The following RTTN variants were observed in gnomAD, a reference collection of about 807,000 sequenced individuals.
RTTN encodes rotatin.
In RTTN, 182 loss-of-function variants were observed where a neutral mutation model predicts 269.2. The observed-to-expected ratio is 0.68, with a 90% CI of 0.60 to 0.76. RTTN has a LOEUF of 0.76. RTTN is among the 30% of genes least tolerant of loss of function. The pLI is 0.00. For missense variants in RTTN, 2,545 were observed against 2,608.6 expected (o/e 0.98, Z 0.53); for synonymous variants, 1,006 against 963.5 (o/e 1.04, Z -0.82).
intron 40 of RTTN, among the ~76,000 whole-genome samples, chr18:70,044,129 G>T (rs2057423407): frequency 6.6e-6 from 1 of 152,038 alleles, no homozygotes. Context: ...TTTCCAAAAG[G>T]TACTTAATGT....
chr18:70,191,782 C>T (rs1029799552), intron 8 of RTTN, among the ~76,000 whole-genome samples: 1 of 152,182 alleles, frequency 6.6e-6, no homozygotes, highest in Non-Finnish European at 1.5e-5. Flanking sequence ...TTTGTCGTTT[C>T]TTCAATTTCA....
chr18:70,184,703 G>GTTTTTT lies in RTTN; in HGVS notation c.1305+3399_1305+3404dup, dbSNP rs374636456. ...TCAATTCCATTCAAAACCACAGCAG[G>GTTTTTT]TTTTTTTTTTTTTTGTGTGTGTGTG... is the stretch of plus-strand genomic sequence containing the variant. On this transcript the variant is annotated intron_variant, in intron 10 of 48. Coordinates refer to ENST00000640769, the MANE Select transcript of RTTN (RefSeq NM_173630.4). 4.3e-3 allele frequency among the ~76,000 whole-genome samples: 114 copies of GTTTTTT among 26,344 alleles called. 26 individuals carry two copies. The East Asian group carries it at 0.045, about 10-fold the overall frequency. 17.3% of individuals were successfully genotyped at this position (26,344 alleles called of 152,430 possible).
At position 70,205,619 on chromosome 18, in the gene RTTN, G is replaced by T. The variant is rs2062060822; in HGVS notation, c.31+9C>A. On this transcript the variant is annotated intron_variant, in intron 1 of 48. Coordinates refer to ENST00000640769, the MANE Select transcript of RTTN (RefSeq NM_173630.4). ...GGGTGCCTTGGGCGAGGGGCAAGCT[G>T]ACAGTTACCGAGTTTCCTGATGAGC... 1 of 1,614,014 alleles carries T rather than the reference G, an allele frequency of 6.2e-7. No individual in the cohort carries two copies. The highest frequency in any genetic ancestry group is 1.3e-5 in the African/African-American group (1 of 74,924).
At chr18:70,159,135 A>T (rs976214012) in intron 14 of RTTN, among the ~76,000 whole-genome samples, 1 of 152,158 alleles carries the variant, frequency 6.6e-6, no homozygotes, top group Non-Finnish European at 1.5e-5. Flanking sequence ...AGCAAAACAC[A>T]TTCTTCTCAT....
Position 70,128,522 on chromosome 18 carries a change from A to G in RTTN, c.2979T>C (p.Ile993=). Residue 993 remains isoleucine, a synonymous_variant, in exon 24 of 49, where the codon ATT becomes ATC. Coordinates refer to ENST00000640769, the MANE Select transcript of RTTN (RefSeq NM_173630.4). Reference sequence around the variant, plus strand: ...AGTAAGGACTCACAGCATGGTGTCCAATTACATGAACAGGTAGATGGTACC... The same window carrying G: ...AGTAAGGACTCACAGCATGGTGTCCGATTACATGAACAGGTAGATGGTACC... The part of the protein sequence containing the change: ...FRRYHLPVHV[I]GHHAVSPYSI... 1 of 1,612,782 alleles carries G rather than the reference A, an allele frequency of 6.2e-7. No individual in the cohort carries two copies. The highest frequency in any genetic ancestry group is 8.5e-7 in the Non-Finnish European group (1 of 1,179,212).
rs148269375 is a variant in RTTN, at chr18:70,167,120, A to G, written c.1690-89T>C. The G allele has an allele frequency of 2.9e-4, 235 of 810,216 alleles. 2 individuals are homozygous for G. The African/African-American group carries it at 3.7e-3, about 13-fold the overall frequency. 50.2% of individuals were successfully genotyped at this position (810,216 alleles called of 1,614,324 possible). ...TAACTAAGCAGCTTCAAGAAATTAG[A>G]CCATTCAGAGACCATGAGACTGTTT... is the stretch of plus-strand genomic sequence containing the variant. On this transcript the variant is annotated intron_variant, in intron 12 of 48. Transcript: ENST00000640769.
At chr18:70,106,835 T>C (rs2059333752) in intron 28 of RTTN, among the ~76,000 whole-genome samples, 1 of 152,030 alleles carries the variant, frequency 6.6e-6, no homozygotes, top group South Asian at 2.1e-4. Flanking sequence ...TATCAGAAAA[T>C]TCCATGTCTA....
intron 25 of RTTN, among the ~76,000 whole-genome samples, chr18:70,126,315 G>A (rs1231943597): frequency 6.6e-6 from 1 of 151,962 alleles, no homozygotes; most frequent in East Asian, 1.9e-4. Flanking sequence ...TGACAAATAG[G>A]GACATATTAC....
chr18:70,088,172 T>C (rs758132902), intron 30 of RTTN, 25 bp from the exon 31 acceptor site: 5 of 1,583,216 alleles, frequency 3.2e-6, no homozygotes, highest in Middle Eastern at 1.7e-4. Context: ...GAGAAAGTTG[T>C]TGAATCAAAT....
chr18:70,088,708 T>C (rs374208211), intron 30 of RTTN, among the ~76,000 whole-genome samples: 13 of 152,204 alleles, frequency 8.5e-5, no homozygotes, highest in Non-Finnish European at 1.8e-4. Context: ...TTGGTAAATT[T>C]CTGAATTCGA....
At chr18:70,016,036 C>T (rs924046714) in intron 46 of RTTN, among the ~76,000 whole-genome samples, 1 of 152,096 alleles carries the variant, frequency 6.6e-6, no homozygotes, top group Non-Finnish European at 1.5e-5. Context: ...ATGTACATCA[C>T]GCAGCAACAG....
chr18:70,147,985 C>T (rs1009961733), intron 17 of RTTN, among the ~76,000 whole-genome samples: 2 of 152,158 alleles, frequency 1.3e-5, no homozygotes, highest in Non-Finnish European at 2.9e-5. Flanking sequence ...CTTCCTGGAT[C>T]ACCCATAACA....
chr18:70,075,649 A>G (rs2058410075), intron 32 of RTTN, 108 bp from the exon 33 acceptor site: 1 of 781,494 alleles, frequency 1.3e-6, no homozygotes, highest in Non-Finnish European at 1.9e-6. Context: ...AGATGCTCCC[A>G]TCTCCTTCCA....
chr18:70,103,417 A>T (rs1431807752), intron 28 of RTTN, among the ~76,000 whole-genome samples: 1 of 152,158 alleles, frequency 6.6e-6, no homozygotes, highest in Admixed American at 6.5e-5. Context: ...TACTAAGAAA[A>T]ATTTTTCTGC....
At chr18:70,030,363 T>C (rs1233490064) in intron 41 of RTTN, among the ~76,000 whole-genome samples, 1 of 152,236 alleles carries the variant, frequency 6.6e-6, no homozygotes, top group Non-Finnish European at 1.5e-5. Flanking sequence ...ACATCATTTG[T>C]TGTAGTCGCA....
At chr18:70,032,726 C>T (rs1050778770) in intron 40 of RTTN, among the ~76,000 whole-genome samples, 1 of 152,230 alleles carries the variant, frequency 6.6e-6, no homozygotes, top group Non-Finnish European at 1.5e-5. Context: ...CATAGGGTAA[C>T]GTGGGAGACT....
At chr18:70,145,541 G>A in intron 18 of RTTN, 71 bp downstream of exon 18, 1 of 1,189,294 alleles carries the variant, frequency 8.4e-7, no homozygotes, top group Non-Finnish European at 1.2e-6. Flanking sequence ...ACTGAAGAAT[G>A]TCACATAAAA....
Position 70,204,173 on chromosome 18 carries a change from C to T in RTTN, c.310G>A (p.Glu104Lys). The T allele has an allele frequency of 6.2e-7, 1 of 1,614,112 alleles. No individual in the cohort carries two copies. The highest frequency in any genetic ancestry group is 8.5e-7 in the Non-Finnish European group (1 of 1,179,976). ...RSNVEPNLQA[E>K]IDGILDGLFL... ...AGTCCATCCAGAATGCCATCAATTT[C>T]AGCCTGCAGATTTGGCTCCACATTA... The change falls in exon 3 of 49, where the codon GAA (glutamate) becomes AAA (lysine). Residue 104 changes from glutamate (E) to lysine (K), a missense_variant. Transcript: ENST00000640769.
At chr18:70,131,857 T>A (rs1457705617) in intron 23 of RTTN, 1 of 151,764 alleles carries the variant, frequency 6.6e-6, no homozygotes, top group Non-Finnish European at 1.5e-5. Context: ...ATATTAGTAA[T>A]TATAGTAAAT....
Sources: allele counts gnomAD v4.1 joint callset (sites outside exome capture counted in the v4.1 genomes callset), GRCh38; gene constraint gnomAD v4.1.1; transcripts MANE v1.5; gene names NCBI Gene and HGNC (gene_info 2026-07-23, HGNC 2026-07-21).